The following RYR2 variants were observed in gnomAD, a reference collection of about 807,000 sequenced individuals.
RYR2 encodes cardiac muscle ryanodine receptor-calcium release channel.
A neutral mutation model predicts 601.1 loss-of-function variants in RYR2; 227 were observed. The ratio of observed to expected loss-of-function variants is 0.38; its 90% confidence interval spans 0.34 to 0.42. RYR2 has a LOEUF of 0.42. Ranked by LOEUF, RYR2 falls within the 10% of genes least tolerant of loss-of-function variation. The probability of loss-of-function intolerance (pLI) is 1.00; values close to 1 mark genes in which losing one functional copy is unlikely to be tolerated. For synonymous variants in RYR2, 2,223 were observed against 2,175.1 expected (o/e 1.02, Z -0.61); for missense variants, 4,646 against 6,156.5 (o/e 0.75, Z 8.21).
At chr1:237,467,643 C>A (rs933333176) in intron 16 of RYR2, among the ~76,000 whole-genome samples, 1 of 152,068 alleles carries the variant, frequency 6.6e-6, no homozygotes, top group East Asian at 1.9e-4. Context: ...ATGAAGTTGG[C>A]GTCTTTTCTG....
chr1:237,316,124 T>A (rs768632325), intron 2 of RYR2, among the ~76,000 whole-genome samples: 1 of 152,158 alleles, frequency 6.6e-6, no homozygotes, highest in Non-Finnish European at 1.5e-5. Context: ...TAAAAACAAC[T>A]AATTTTAGAA....
At chr1:237,694,712 AAAATGAATAGAATATGTAGTTATTC>A (rs1687264291) in intron 63 of RYR2, among the ~76,000 whole-genome samples, 1 of 152,214 alleles carries the variant, frequency 6.6e-6, no homozygotes, top group Non-Finnish European at 1.5e-5. Context: ...CTGGCTTTGA[AAAATGAATAGAATATGTAGTTATTC>A]AAAATGTGTC....
chr1:237,734,214 C>T (rs1464259669), intron 79 of RYR2, among the ~76,000 whole-genome samples: 1 of 152,126 alleles, frequency 6.6e-6, no homozygotes, highest in Non-Finnish European at 1.5e-5. Flanking sequence ...CTCACAGTTA[C>T]ACATGGTTGG....
At chr1:237,731,891 T>TACAGACACAC (rs1553303581) in intron 77 of RYR2, among the ~76,000 whole-genome samples, 155 bp from the exon 78 acceptor site, 1 of 147,298 alleles carries the variant, frequency 6.8e-6, no homozygotes, top group Non-Finnish European at 1.5e-5. Flanking sequence ...GCATATAAAA[T>TACAGACACAC]ACACACACAC....
At chr1:237,210,633 T>C (rs1018068163) in intron 1 of RYR2, among the ~76,000 whole-genome samples, 2 of 152,202 alleles carry the variant, frequency 1.3e-5, no homozygotes, top group Non-Finnish European at 2.9e-5. Context: ...CCCTGGTCTT[T>C]GTTTTTTCTC....
At chr1:237,606,998 T>C (rs759070669) in intron 35 of RYR2, among the ~76,000 whole-genome samples, 47 of 152,202 alleles carry the variant, frequency 3.1e-4, no homozygotes, top group Non-Finnish European at 4.3e-4. Flanking sequence ...AGTTCAACCA[T>C]TGTGGAAGAC....
At chr1:237,565,151 TTCTTTCTCTTTCTTTC>T (rs1559035326) in intron 27 of RYR2, among the ~76,000 whole-genome samples, 26 of 105,138 alleles carry the variant, frequency 2.5e-4, no homozygotes, top group East Asian at 4.8e-4. Context: ...TTTTCTTTCT[TTCTTTCTCTTTCTTTC>T]TTTCTTTCTT....
chr1:237,398,811 A>G (rs1414654477), intron 10 of RYR2, among the ~76,000 whole-genome samples: 1 of 152,070 alleles, frequency 6.6e-6, no homozygotes, highest in Non-Finnish European at 1.5e-5. Context: ...GAGCAACTTT[A>G]TTTGTAATAA....
At chr1:237,814,481 C>T (rs1265009315) in intron 100 of RYR2, among the ~76,000 whole-genome samples, 1 of 151,650 alleles carries the variant, frequency 6.6e-6, no homozygotes, top group Non-Finnish European at 1.5e-5. Context: ...AAATAGGCAA[C>T]TCGCCCTCCT....
intron 25 of RYR2, among the ~76,000 whole-genome samples, chr1:237,542,888 C>A (rs1303879199): frequency 6.6e-6 from 1 of 152,128 alleles, no homozygotes; most frequent in Non-Finnish European, 1.5e-5. Flanking sequence ...CTCACTTTGG[C>A]TCTGCGATCT....
At chr1:237,566,860 C>T in intron 28 of RYR2, 85 bp downstream of exon 28, 2 of 1,336,108 alleles carry the variant, frequency 1.5e-6, no homozygotes, top group South Asian at 1.2e-5. Flanking sequence ...CTTCACAGTA[C>T]CAGTGTTTCC....
intron 11 of RYR2, among the ~76,000 whole-genome samples, chr1:237,421,371 G>T (rs1032912956): frequency 1.3e-5 from 2 of 152,122 alleles, no homozygotes; most frequent in Non-Finnish European, 1.5e-5. Flanking sequence ...ATACTTTAAT[G>T]TGCTATTATT....
chr1:237,091,831 A>G (rs1666989780), intron 1 of RYR2, among the ~76,000 whole-genome samples: 1 of 152,174 alleles, frequency 6.6e-6, no homozygotes, highest in Admixed American at 6.5e-5. Flanking sequence ...GTGCTGCCTA[A>G]TGTGGCAGCC....
chr1:237,171,233 C>CAA lies in RYR2; in HGVS notation c.49-99251_49-99250dup, dbSNP rs58587774. Among the ~76,000 whole-genome samples the CAA allele has an allele frequency of 9.1e-3, 1,284 of 141,644 alleles. 12 individuals are homozygous for CAA. Among genetic ancestry groups the CAA allele is most frequent in the African/African-American group, 0.025 (909 of 36,936 alleles). 92.9% of individuals were successfully genotyped at this position (141,644 alleles called of 152,430 possible). ...TGGGCGACAGAGCAAGACTCCATCT[C>CAA]AAAAAAAAAAAAAATAGATTCTCCC... On this transcript the variant is annotated intron_variant, in intron 1 of 104. Coordinates refer to ENST00000366574, the MANE Select transcript of RYR2 (RefSeq NM_001035.3).
rs1229230949 is a variant in RYR2 at position 237,051,319 on chromosome 1, T to TCCCTC, written c.48+8771_48+8775dup. 5.7e-5 allele frequency among the ~76,000 whole-genome samples: 7 copies of TCCCTC among 123,670 alleles called. No individual in the cohort carries two copies. In the East Asian group the frequency reaches 8.3e-4, roughly 15 times the overall value. The allele number at this position is 123,670 out of a possible 152,430, so 81.1% of individuals were successfully genotyped here. A position where few individuals can be genotyped will look rare whatever the true frequency, so the allele number is the denominator to read the frequency against. ...CTCTCTCTCTTTCTCTTTATCTCTC[T>TCCCTC]CCCTCCCCTCCCCTCCCCTCCCCTC... On this transcript the variant is annotated intron_variant, in intron 1 of 104. Coordinates refer to ENST00000366574, the MANE Select transcript of RYR2 (RefSeq NM_001035.3).
At chr1:237,631,716 C>T (rs910977623) in intron 42 of RYR2, among the ~76,000 whole-genome samples, 175 bp downstream of exon 42, 1 of 147,212 alleles carries the variant, frequency 6.8e-6, no homozygotes. Context: ...CAAGCTCCGC[C>T]TCCCGGGTTC....
intron 25 of RYR2, among the ~76,000 whole-genome samples, chr1:237,535,484 TACACACACAC>T (rs58146773): frequency 2.8e-5 from 4 of 144,638 alleles, no homozygotes; most frequent in South Asian, 2.2e-4. Flanking sequence ...CAAACACACA[TACACACACAC>T]ACACACACAC....
chr1:237,441,620 T>A, intron 13 of RYR2, 137 bp downstream of exon 13: 1 of 663,652 alleles, frequency 1.5e-6, no homozygotes, highest in South Asian at 2.9e-5. Flanking sequence ...CAGATTCCAC[T>A]GTAATAGACT....
At position 237,180,646 on chromosome 1, in the gene RYR2, G is replaced by GTATATA. The variant is rs1558379653; in HGVS notation, c.49-89846_49-89845insATATAT. 9.6e-5 allele frequency among the ~76,000 whole-genome samples: 9 copies of GTATATA among 94,174 alleles called. No individual in the cohort carries two copies. In the South Asian group the frequency reaches 2.4e-3, roughly 25 times the overall value. The allele number at this position is 94,174 out of a possible 152,430, so 61.8% of individuals were successfully genotyped here. A position where few individuals can be genotyped will look rare whatever the true frequency, so the allele number is the denominator to read the frequency against. ...TATGTATATGTGTATATATGTATATGTATATGTGTATATATGTATACATGT... is the reference window on the plus strand; with the variant it reads ...TATGTATATGTGTATATATGTATATGTATATATATATGTGTATATATGTATACATGT... On this transcript the variant is annotated intron_variant, in intron 1 of 104. Coordinates refer to ENST00000366574, the MANE Select transcript of RYR2 (RefSeq NM_001035.3). This position sits in a 1 kb window ranked among gnomAD's most constrained non-coding sequence, Gnocchi z 5.3.
Sources: gnomAD v4.1 joint callset for allele counts (sites outside exome capture counted in the v4.1 genomes callset) on GRCh38, gnomAD v4.1.1 for gene constraint, Gnocchi (gnomAD v3.1) non-coding constraint, MANE v1.5 for transcripts, NCBI Gene and HGNC (gene_info 2026-07-23, HGNC 2026-07-21) for gene names.